The following MACROD2 variants were observed in gnomAD, a reference collection of about 807,000 sequenced individuals.
MACROD2 encodes the protein ADP-ribose glycohydrolase MACROD2.
A neutral mutation model predicts 70.4 loss-of-function variants in MACROD2; 36 were observed. That is an observed-to-expected ratio of 0.51 (90% CI 0.39 to 0.68). MACROD2 has a LOEUF of 0.68. MACROD2 is among the 30% of genes least tolerant of loss of function. The pLI, the probability that MACROD2 is intolerant of heterozygous loss-of-function variation, is 0.00. For synonymous variants in MACROD2, 172 were observed against 178.8 expected, an observed-to-expected ratio of 0.96 and a Z score of 0.30; for missense variants, 496 against 538.4, an observed-to-expected ratio of 0.92 and a Z score of 0.78.
chr20:14,782,325 G>C (rs6042916), intron 5 of MACROD2, among the ~76,000 whole-genome samples: 14,471 of 152,082 alleles, frequency 0.095, 1,061 homozygotes, highest in African/African-American at 0.2. Flanking sequence ...TAATGAAATA[G>C]AGAGTTATGC....
intron 5 of MACROD2, among the ~76,000 whole-genome samples, chr20:14,774,378 T>C (rs927173048): frequency 6.6e-6 from 1 of 152,066 alleles, no homozygotes. Flanking sequence ...GCTTTTTAAT[T>C]GCCATATTCA....
At chr20:15,935,335 G>A (rs189121042) in intron 11 of MACROD2, among the ~76,000 whole-genome samples, 20 of 152,246 alleles carry the variant, frequency 1.3e-4, no homozygotes, top group African/African-American at 4.1e-4. Context: ...CTCGCCGGCC[G>A]GCACAGAGGC....
At chr20:15,506,891 A>G (rs915860208) in intron 8 of MACROD2, among the ~76,000 whole-genome samples, 2 of 152,170 alleles carry the variant, frequency 1.3e-5, no homozygotes, top group Non-Finnish European at 2.9e-5. Flanking sequence ...GTCCACAAAC[A>G]TCATCTGAGT....
At chr20:14,500,124 C>G (rs1203468707) in intron 4 of MACROD2, among the ~76,000 whole-genome samples, 2 of 152,192 alleles carry the variant, frequency 1.3e-5, no homozygotes, top group Non-Finnish European at 2.9e-5. Flanking sequence ...ATTTCCTACT[C>G]TTTGCTGTAG....
chr20:14,069,719 A>G (rs1288784898), intron 2 of MACROD2, among the ~76,000 whole-genome samples: 1 of 148,562 alleles, frequency 6.7e-6, no homozygotes. Flanking sequence ...TGTGCTTAGT[A>G]AATGGGGCCA....
chr20:15,424,137 G>A (rs1461429983), intron 6 of MACROD2, among the ~76,000 whole-genome samples: 2 of 152,092 alleles, frequency 1.3e-5, no homozygotes, highest in Non-Finnish European at 1.5e-5. Flanking sequence ...CATCACAGTG[G>A]GACCAGAGCT....
intron 5 of MACROD2, among the ~76,000 whole-genome samples, chr20:15,057,707 G>T (rs2075497695): frequency 6.6e-6 from 1 of 152,182 alleles, no homozygotes; most frequent in African/African-American, 2.4e-5. Context: ...AGGTGTCTGG[G>T]TGTGAACATT....
chr20:15,314,716 A>G (rs1350465439), intron 6 of MACROD2, among the ~76,000 whole-genome samples: 1 of 152,246 alleles, frequency 6.6e-6, no homozygotes, highest in Non-Finnish European at 1.5e-5. Flanking sequence ...GGGTCAATGA[A>G]CAACCTCCAG....
intron 8 of MACROD2, among the ~76,000 whole-genome samples, chr20:15,719,026 AT>A (rs1006255816): frequency 3.2e-4 from 49 of 152,136 alleles, no homozygotes; most frequent in African/African-American, 1.1e-3. Context: ...AACTGGCCTG[AT>A]TTTTTTTCAA....
chr20:15,153,156 G>C (rs1481247937), intron 5 of MACROD2, among the ~76,000 whole-genome samples: 2 of 152,040 alleles, frequency 1.3e-5, no homozygotes, highest in South Asian at 2.1e-4. Flanking sequence ...CAAATTTCAT[G>C]TGTGTCCATG....
At chr20:15,585,548 G>A (rs540092625) in intron 8 of MACROD2, among the ~76,000 whole-genome samples, 4 of 152,138 alleles carry the variant, frequency 2.6e-5, no homozygotes, top group African/African-American at 9.6e-5. Flanking sequence ...CAGTGCTCAG[G>A]AATTAACTCC....
In MACROD2 at chr20:15,356,603, G is replaced by A. The variant is rs187729517; in HGVS notation, c.541-74802G>A. On this transcript the variant is annotated intron_variant, in intron 6 of 17. Coordinates refer to ENST00000684519, the MANE Select transcript of MACROD2 (RefSeq NM_001351661.2). The stretch of plus-strand genomic sequence containing the variant: ...TTTTGAGACCAGCCTGACCAATATG[G>A]CTAAACTCTGTCTCTACTGAAAGTA... 7.1e-3 allele frequency among the ~76,000 whole-genome samples: 1,078 copies of A among 152,180 alleles called. 20 individuals carry two copies. The highest frequency in any genetic ancestry group is 0.024 in the African/African-American group (1,016 of 41,508).
rs200456303 is a variant in MACROD2, at chr20:14,264,317, A to G, written c.271+178589A>G. On this transcript the variant is annotated intron_variant, in intron 3 of 17. Transcript: ENST00000684519. ...GAAAGAGCAACTGTGAGAGACTAGT[A>G]TGTTGTCATTTAAGATTTTGGAAGG... 2.6e-5 allele frequency among the ~76,000 whole-genome samples: 4 copies of G among 152,162 alleles called. No homozygotes were observed. The East Asian group carries it at 7.7e-4, about 29-fold the overall frequency.
chr20:14,280,818 A>G (rs1031645863), intron 3 of MACROD2, among the ~76,000 whole-genome samples: 7 of 152,230 alleles, frequency 4.6e-5, no homozygotes, highest in Non-Finnish European at 8.8e-5. Flanking sequence ...CTCCTTAAAT[A>G]TAACCCAGGA....
chr20:15,260,280 C>T (rs1020028260), intron 6 of MACROD2, among the ~76,000 whole-genome samples: 3 of 150,910 alleles, frequency 2.0e-5, no homozygotes, highest in Admixed American at 6.7e-5. Context: ...TCTTTATCCC[C>T]CCTCCCCACT....
intron 13 of MACROD2, among the ~76,000 whole-genome samples, chr20:15,978,643 C>G (rs2066349501): frequency 6.6e-6 from 1 of 151,372 alleles, no homozygotes; most frequent in African/African-American, 2.4e-5. Context: ...AACCTTACAA[C>G]TTTGAGTGGC....
intron 5 of MACROD2, among the ~76,000 whole-genome samples, chr20:15,171,914 A>G (rs543962631): frequency 7.2e-5 from 11 of 152,242 alleles, no homozygotes; most frequent in Non-Finnish European, 1.5e-4. Context: ...AGCTAGCACA[A>G]TACCTTGCAC....
chr20:15,000,167 G>A (rs1217249637), intron 5 of MACROD2, among the ~76,000 whole-genome samples: 2 of 152,190 alleles, frequency 1.3e-5, no homozygotes, highest in Non-Finnish European at 2.9e-5. Flanking sequence ...CTGAATTCAT[G>A]ATGATGATTG....
intron 2 of MACROD2, chr20:14,052,978 T>C: frequency 6.6e-6 from 1 of 151,756 alleles, no homozygotes; most frequent in East Asian, 1.9e-4. Context: ...GTAAGTGAAA[T>C]GAAACCATAT....
Sources: gnomAD v4.1 joint callset for allele counts (sites outside exome capture counted in the v4.1 genomes callset) on GRCh38, gnomAD v4.1.1 for gene constraint, MANE v1.5 for transcripts, NCBI Gene and HGNC (gene_info 2026-07-23, HGNC 2026-07-21) for gene names.